UEVLD: variants seen among roughly 807,000 people sequenced by gnomAD.
UEVLD encodes UEV and lactate/malate dehyrogenase domains.
UEVLD carries 47 observed loss-of-function variants against 58.6 expected under a neutral mutation model. The ratio of observed to expected loss-of-function variants is 0.80; its 90% CI spans 0.63 to 1.02. The LOEUF is 1.02. Ranked by LOEUF, UEVLD falls within the 50% of genes least tolerant of loss-of-function variation. UEVLD has a pLI of 0.00. For missense variants in UEVLD, 510 were observed against 550.6 expected (o/e 0.93, Z 0.74); for synonymous variants, 197 against 195.3 (o/e 1.01, Z -0.07).
rs752236254 is a variant in UEVLD at position 18,564,999 on chromosome 11, T to C, written c.505A>G (p.Thr169Ala). The change falls in exon 6 of 12, where the codon ACA becomes GCA. Residue 169 changes from threonine to alanine, a missense_variant. By Grantham distance (58) the Thr-to-Ala change is moderately conservative. Coordinates refer to ENST00000396197, the MANE Select transcript of UEVLD (RefSeq NM_001040697.4). ...IAKITEGVSDTNSKSWANHEN... is the reference protein window; with the variant it reads ...IAKITEGVSDANSKSWANHEN... ...TGATTTGCCCAGCTCTTTGAATTTGTATCTGAAACACCTAGAAAGAAAGGT... is the reference window on the plus strand; with the variant it reads ...TGATTTGCCCAGCTCTTTGAATTTGCATCTGAAACACCTAGAAAGAAAGGT... 6.2e-7 allele frequency: 1 copy of C among 1,608,742 alleles called. No homozygotes were observed. Among genetic ancestry groups the C allele is most frequent in the South Asian group, 1.1e-5 (1 of 90,680 alleles).
chr11:18,569,684 T>C (rs1852491439), intron 4 of UEVLD, among the ~76,000 whole-genome samples: 1 of 152,106 alleles, frequency 6.6e-6, no homozygotes. Flanking sequence ...AATATAATGG[T>C]CAATGAAAAA....
At chr11:18,533,803 C>T (rs527684456) in intron 11 of UEVLD, among the ~76,000 whole-genome samples, 5 of 152,258 alleles carry the variant, frequency 3.3e-5, no homozygotes, top group Non-Finnish European at 5.9e-5. Flanking sequence ...TACAGACATA[C>T]GCCACTATGT....
chr11:18,535,744 A>G (rs1850765500), intron 10 of UEVLD, among the ~76,000 whole-genome samples: 1 of 152,134 alleles, frequency 6.6e-6, no homozygotes, highest in Non-Finnish European at 1.5e-5. Flanking sequence ...AACATATAAT[A>G]TGGCTTATCC....
chr11:18,558,485 G>A (rs899472714), intron 6 of UEVLD, among the ~76,000 whole-genome samples, 155 bp from the exon 7 acceptor site: 1 of 152,146 alleles, frequency 6.6e-6, no homozygotes, highest in Non-Finnish European at 1.5e-5. Flanking sequence ...AAAGTGACAT[G>A]CAAGCAAGAA....
At chr11:18,542,893 T>TTTC in intron 9 of UEVLD, among the ~76,000 whole-genome samples, 1 of 145,760 alleles carries the variant, frequency 6.9e-6, no homozygotes, top group African/African-American at 2.5e-5. Flanking sequence ...TTCTTTTCTT[T>TTTC]TTTTTTTTTT....
At chr11:18,563,929 C>T in intron 6 of UEVLD, 1 of 230,262 alleles carries the variant, frequency 4.3e-6, no homozygotes, top group Non-Finnish European at 9.1e-6. Flanking sequence ...CGCTTGAACC[C>T]AGGAGGCGGA....
At chr11:18,574,537 G>T (rs1382141632) in intron 3 of UEVLD, among the ~76,000 whole-genome samples, 1 of 152,198 alleles carries the variant, frequency 6.6e-6, no homozygotes, top group East Asian at 1.9e-4. Flanking sequence ...CTATATATAA[G>T]CAACCTCTTG....
chr11:18,567,200 T>C (rs1265971974), intron 4 of UEVLD, among the ~76,000 whole-genome samples: 1 of 152,242 alleles, frequency 6.6e-6, no homozygotes, highest in East Asian at 1.9e-4. Flanking sequence ...TGGTACTGTA[T>C]TCTTTTAATG....
At chr11:18,582,615 G>A (rs1853302386) in intron 1 of UEVLD, among the ~76,000 whole-genome samples, 1 of 152,000 alleles carries the variant, frequency 6.6e-6, no homozygotes, top group Admixed American at 6.6e-5. Context: ...GATTACAGGT[G>A]TGAGCCACCA....
intron 1 of UEVLD, among the ~76,000 whole-genome samples, chr11:18,587,347 C>T (rs1853629815): frequency 6.6e-6 from 1 of 152,180 alleles, no homozygotes; most frequent in South Asian, 2.1e-4. Flanking sequence ...CTGCACCTGT[C>T]GCAGTAGATA....
chr11:18,540,079 G>T (rs1235762575), intron 9 of UEVLD, among the ~76,000 whole-genome samples: 1 of 152,144 alleles, frequency 6.6e-6, no homozygotes, highest in Non-Finnish European at 1.5e-5. Context: ...CGTTTGCTGT[G>T]TGCCAGATAC....
chr11:18,543,007 C>T (rs1423918444), intron 9 of UEVLD, among the ~76,000 whole-genome samples: 2 of 151,192 alleles, frequency 1.3e-5, no homozygotes, highest in Non-Finnish European at 2.9e-5. Flanking sequence ...GTTCTCCTGC[C>T]TCAGCCTCCT....
intron 1 of UEVLD, among the ~76,000 whole-genome samples, chr11:18,583,281 C>G (rs995131470): frequency 6.8e-6 from 1 of 148,010 alleles, no homozygotes. Context: ...AGTGCAGTGG[C>G]GCTATCTTGG....
chr11:18,540,933 TA>T (rs1202927543), intron 9 of UEVLD, among the ~76,000 whole-genome samples: 2 of 152,220 alleles, frequency 1.3e-5, no homozygotes, highest in Admixed American at 6.5e-5. Flanking sequence ...AGGTGGCCAA[TA>T]AATGTTTCTG....
intron 7 of UEVLD, among the ~76,000 whole-genome samples, chr11:18,548,458 C>T (rs1162664528): frequency 6.6e-6 from 1 of 152,116 alleles, no homozygotes; most frequent in Non-Finnish European, 1.5e-5. Flanking sequence ...TGGAGTTTCG[C>T]TCTTGTTGCC....
In UEVLD at chr11:18,532,400, G is replaced by T; in HGVS notation, c.1336C>A (p.Leu446Met). The T allele has an allele frequency of 1.2e-6, 2 of 1,613,526 alleles. No individual in the cohort carries two copies. The highest frequency in any genetic ancestry group is 8.5e-7 in the Non-Finnish European group (1 of 1,179,742). Reference protein sequence around the residue: ...NGVSEVIKTTLKEDTVTEKLQ... With the variant: ...NGVSEVIKTTMKEDTVTEKLQ... The stretch of plus-strand genomic sequence containing the variant: ...TTCTCAGTAACTGTATCTTCTTTCA[G>T]TGTGGTTTTGATAACTTCAGATACT... The change falls in exon 12 of 12, where the codon CTG (leucine) becomes ATG (methionine). Residue 446 changes from leucine (L) to methionine (M), a missense_variant. Physicochemically the swap from Leu to Met is conservative, Grantham distance 15. Transcript: ENST00000396197.
At chr11:18,561,231 C>T (rs1215687904) in intron 6 of UEVLD, among the ~76,000 whole-genome samples, 2 of 152,200 alleles carry the variant, frequency 1.3e-5, no homozygotes, top group Admixed American at 6.5e-5. Flanking sequence ...GGTAACCGCC[C>T]TATGCCTTTG....
At chr11:18,564,293 A>G (rs1430445328) in intron 6 of UEVLD, among the ~76,000 whole-genome samples, 2 of 152,168 alleles carry the variant, frequency 1.3e-5, no homozygotes, top group East Asian at 3.8e-4. Flanking sequence ...CAGCTATTCT[A>G]TTCAGGGCTA....
intron 8 of UEVLD, among the ~76,000 whole-genome samples, chr11:18,546,537 G>A (rs1393447544): frequency 6.7e-6 from 1 of 148,628 alleles, no homozygotes; most frequent in Non-Finnish European, 1.5e-5. Context: ...TCACTCTGTC[G>A]GCCAGACTGG....
Sources: allele counts gnomAD v4.1 joint callset (sites outside exome capture counted in the v4.1 genomes callset), GRCh38; gene constraint gnomAD v4.1.1; transcripts MANE v1.5; gene names NCBI Gene and HGNC (gene_info 2026-07-23, HGNC 2026-07-21).